DAB1: variants seen among roughly 807,000 people sequenced by gnomAD.
The protein encoded by DAB1 is DAB adaptor protein 1, also known as disabled homolog 1.
Under a neutral mutation model 64.6 loss-of-function variants are expected in DAB1, and 15 were observed. The ratio of observed to expected loss-of-function variants is 0.23; its 90% CI spans 0.16 to 0.36. The LOEUF is 0.36. Among genes scored for constraint, DAB1 ranks in the 10% least tolerant of loss-of-function variants. The pLI, the probability that DAB1 is intolerant of heterozygous loss-of-function variation, is 1.00. For synonymous variants in DAB1, 235 were observed against 251.9 expected (o/e 0.93, Z 0.64); for missense variants, 596 against 706.7 (o/e 0.84, Z 1.78).
chr1:58,227,893 T>C (rs895987781), intron 4 of DAB1, among the ~76,000 whole-genome samples: 3 of 152,176 alleles, frequency 2.0e-5, no homozygotes, highest in Non-Finnish European at 4.4e-5. Context: ...CAATTTTGCA[T>C]TTCCCCCCTC....
intron 3 of DAB1, chr1:58,480,975 G>T: frequency 4.6e-6 from 4 of 860,846 alleles, no homozygotes; most frequent in South Asian, 1.3e-5. Context: ...TCAACTGCCC[G>T]TTCTTTTCTC....
rs1484927255 is a variant in DAB1, at chr1:58,466,121, CT to C, written n.257+39938del. 2.6e-5 allele frequency among the ~76,000 whole-genome samples: 4 copies of C among 152,186 alleles called. No individual in the cohort carries two copies. In the East Asian group the frequency reaches 7.7e-4, roughly 29 times the overall value. ...CACAAACGCTGTGTCCTGACTGCCC[CT>C]GGCCACCCCCAGCCAATGGAGGAGC... On this transcript the variant is annotated intron_variant and non_coding_transcript_variant, in intron 3 of 20. Transcript: ENST00000485760.
intron 4 of DAB1, among the ~76,000 whole-genome samples, chr1:58,234,448 C>G (rs1159569986): frequency 6.6e-6 from 1 of 152,210 alleles, no homozygotes; most frequent in Non-Finnish European, 1.5e-5. Context: ...GAGTGGGAAA[C>G]AGCCATGCGG....
At chr1:57,872,953 G>A (rs764953758) in intron 1 of DAB1, among the ~76,000 whole-genome samples, 4 of 152,158 alleles carry the variant, frequency 2.6e-5, no homozygotes, top group Non-Finnish European at 5.9e-5. Context: ...CTTTCTGGGA[G>A]ACTAGGTCTG....
intron 6 of DAB1, among the ~76,000 whole-genome samples, chr1:57,766,043 C>T (rs1426557103): frequency 4.6e-5 from 7 of 152,138 alleles, no homozygotes; most frequent in Admixed American, 4.6e-4. Context: ...CCAAGGTTCA[C>T]TCCTTCGGTG....
chr1:58,473,792 G>A (rs756491519), intron 3 of DAB1: 234 of 554,096 alleles, frequency 4.2e-4, no homozygotes, highest in Non-Finnish European at 6.8e-4. Flanking sequence ...ACCCAAGAAC[G>A]CTCTGCAGAG....
intron 4 of DAB1, among the ~76,000 whole-genome samples, chr1:58,329,586 T>G (rs984128438): frequency 1.3e-5 from 2 of 152,214 alleles, no homozygotes; most frequent in African/African-American, 2.4e-5. Context: ...CATTGTATTT[T>G]TTACAAATTG....
At chr1:58,124,019 A>T (rs1652908108) in intron 5 of DAB1, among the ~76,000 whole-genome samples, 1 of 152,184 alleles carries the variant, frequency 6.6e-6, no homozygotes, top group African/African-American at 2.4e-5. Context: ...GTAAACATCT[A>T]GGTTTTCATA....
At chr1:57,403,159 C>G (rs1683380260) in intron 1 of DAB1, among the ~76,000 whole-genome samples, 1 of 152,204 alleles carries the variant, frequency 6.6e-6, no homozygotes, top group African/African-American at 2.4e-5. Flanking sequence ...AGTATGAATT[C>G]TACCTCCTCA....
chr1:57,058,677 A>G (rs1650079488), intron 9 of DAB1, among the ~76,000 whole-genome samples: 2 of 152,220 alleles, frequency 1.3e-5, no homozygotes, highest in Admixed American at 1.3e-4. Flanking sequence ...CTCAGAACTC[A>G]GTGAATTTGG....
chr1:58,153,110 T>C (rs1169387097), intron 4 of DAB1, among the ~76,000 whole-genome samples: 2 of 152,248 alleles, frequency 1.3e-5, no homozygotes, highest in Non-Finnish European at 2.9e-5. Flanking sequence ...TTTTATGGCA[T>C]GGCAAGTATC....
intron 3 of DAB1, among the ~76,000 whole-genome samples, chr1:58,355,445 T>C (rs1033623637): frequency 2.0e-5 from 3 of 152,338 alleles, no homozygotes; most frequent in South Asian, 2.1e-4. Flanking sequence ...TAATTTTTTT[T>C]CCCCATCACT....
At chr1:57,211,539 A>T (rs1666007119) in intron 2 of DAB1, among the ~76,000 whole-genome samples, 1 of 152,192 alleles carries the variant, frequency 6.6e-6, no homozygotes, top group Admixed American at 6.5e-5. Flanking sequence ...AAGAGACACC[A>T]CTTAACCCTT....
At chr1:57,316,592 G>A (rs1335065117) in intron 1 of DAB1, among the ~76,000 whole-genome samples, 1 of 151,964 alleles carries the variant, frequency 6.6e-6, no homozygotes, top group Non-Finnish European at 1.5e-5. Context: ...CTCTCAGGTG[G>A]CCTACCAGCC....
chr1:57,947,060 TG>T (rs749978473), intron 5 of DAB1, among the ~76,000 whole-genome samples: 1 of 152,178 alleles, frequency 6.6e-6, no homozygotes, highest in Non-Finnish European at 1.5e-5. Flanking sequence ...TCAAGTGCTA[TG>T]GGTCTTGATT....
intron 5 of DAB1, among the ~76,000 whole-genome samples, chr1:57,943,475 C>G (rs1053176881): frequency 3.3e-5 from 5 of 152,170 alleles, no homozygotes; most frequent in African/African-American, 1.2e-4. Context: ...GCATAGACTC[C>G]ACCCCTGCCT....
At chr1:57,306,944 T>C (rs1674233000) in intron 1 of DAB1, 1 of 152,132 alleles carries the variant, frequency 6.6e-6, no homozygotes, top group Admixed American at 6.5e-5. Flanking sequence ...GTAGCAAAGG[T>C]GAGCTTGTGT....
chr1:58,342,768 C>T (rs1005202552), intron 4 of DAB1, among the ~76,000 whole-genome samples: 3 of 152,240 alleles, frequency 2.0e-5, no homozygotes, highest in African/African-American at 7.2e-5. Flanking sequence ...ATTTCACCTC[C>T]TTTTTAATCT....
chr1:57,366,344 C>T (rs1014431737), intron 1 of DAB1, among the ~76,000 whole-genome samples: 3 of 152,176 alleles, frequency 2.0e-5, no homozygotes, highest in Admixed American at 6.5e-5. Flanking sequence ...AACCCACCTA[C>T]GTGAACAAGA....
Sources: allele counts gnomAD v4.1 joint callset (sites outside exome capture counted in the v4.1 genomes callset), GRCh38; gene constraint gnomAD v4.1.1; transcripts MANE v1.5; gene names NCBI Gene and HGNC (gene_info 2026-07-23, HGNC 2026-07-21).